Variants in STOX2 observed in about 807,000 individuals in gnomAD.
The protein encoded by STOX2 is storkhead box 2.
STOX2 carries 28 observed loss-of-function variants against 60.9 expected under a neutral mutation model. The observed-to-expected ratio is 0.46, with a 90% CI of 0.34 to 0.63. STOX2 has a LOEUF of 0.63. Ranked by LOEUF, STOX2 falls within the 30% of genes least tolerant of loss-of-function variation. STOX2 has a pLI of 0.01. For missense variants in STOX2, 1,024 were observed against 1,187.7 expected (o/e 0.86, Z 2.03); for synonymous variants, 472 against 463.9 (o/e 1.02, Z -0.22).
At chr4:183,893,735 T>C (rs1178138509) in intron 1 of STOX2, among the ~76,000 whole-genome samples, 1 of 152,206 alleles carries the variant, frequency 6.6e-6, no homozygotes, top group African/African-American at 2.4e-5. Flanking sequence ...GATTTATTTG[T>C]TCCTCTTATA....
Position 184,010,164 on chromosome 4 carries a change from G to A in STOX2, c.1326G>A (p.Val442=). ...TCCCCATGACACCAGAATGGGATGT[G>A]TCTGGTGAATTGGCTAAAAGGAGAA... ...SHFPMTPEWD[V]SGELAKRRTE... Residue 442 remains valine (V), a synonymous_variant, in exon 3 of 4, where the codon GTG becomes GTA. Coordinates refer to ENST00000308497, the MANE Select transcript of STOX2 (RefSeq NM_020225.3). The surrounding 1 kb of genome is among the most constrained non-coding windows in gnomAD (Gnocchi z 4.5). 6.4e-7 allele frequency: 1 copy of A among 1,559,428 alleles called. No individual in the cohort carries two copies. Among genetic ancestry groups the A allele is most frequent in the Non-Finnish European group, 8.7e-7 (1 of 1,151,204 alleles).
chr4:183,961,543 G>C (rs1211074800), intron 1 of STOX2, among the ~76,000 whole-genome samples: 2 of 152,162 alleles, frequency 1.3e-5, no homozygotes, highest in South Asian at 4.1e-4. Context: ...CTTCACCCTT[G>C]CTTTATTCTT....
rs914151545 is a variant in STOX2, at chr4:183,906,612, T to G, written c.-179T>G. 1.4e-5 allele frequency: 8 copies of G among 580,928 alleles called. No individual in the cohort carries two copies. Among genetic ancestry groups the G allele is most frequent in the Non-Finnish European group, 2.0e-5 (7 of 341,802 alleles). 36.0% of individuals were successfully genotyped at this position (580,928 alleles called of 1,614,324 possible). A position where few individuals can be genotyped will look rare whatever the true frequency, so the allele number is the denominator to read the frequency against. ...AAAATCGGAGCCTTCGCCGTGGGGG[T>G]GTGGGGGGGCGTGGGGAGGGCCGGA... On this transcript the variant is annotated 5_prime_UTR_variant, in exon 1 of 4. Coordinates refer to ENST00000308497, the MANE Select transcript of STOX2 (RefSeq NM_020225.3).
intron 1 of STOX2, among the ~76,000 whole-genome samples, chr4:183,834,096 C>A (rs548994992): frequency 6.8e-6 from 1 of 147,974 alleles, no homozygotes; most frequent in South Asian, 2.1e-4. Flanking sequence ...TCTCTTCAAG[C>A]CTCAGCTTCT....
intron 1 of STOX2, among the ~76,000 whole-genome samples, chr4:183,851,814 A>G (rs1740147941): frequency 9.8e-6 from 1 of 102,092 alleles, no homozygotes. Flanking sequence ...AGAAAGGATG[A>G]GGGAAAGGAT....
At chr4:183,999,241 G>A (rs908753470) in intron 1 of STOX2, among the ~76,000 whole-genome samples, 59 of 152,150 alleles carry the variant, frequency 3.9e-4, no homozygotes, top group Admixed American at 5.9e-4. Flanking sequence ...TTACCAATAC[G>A]AACTGAGCTT....
intron 1 of STOX2, among the ~76,000 whole-genome samples, chr4:183,982,045 C>T (rs976631926): frequency 5.3e-5 from 8 of 152,242 alleles, no homozygotes; most frequent in African/African-American, 1.4e-4. Flanking sequence ...GGGACACCTG[C>T]ACTGAGAATC....
intron 2 of STOX2, among the ~76,000 whole-genome samples, chr4:184,002,354 C>CT (rs1205535890): frequency 7.9e-5 from 12 of 152,234 alleles, no homozygotes; most frequent in African/African-American, 2.9e-4. Context: ...GGAACGTTTG[C>CT]TATATTTCTC....
At chr4:183,996,371 C>A (rs182941686) in intron 1 of STOX2, among the ~76,000 whole-genome samples, 18 of 152,284 alleles carry the variant, frequency 1.2e-4, no homozygotes, top group Non-Finnish European at 2.4e-4. Context: ...CTAATTCTGA[C>A]GATGGAAAAA....
intron 1 of STOX2, among the ~76,000 whole-genome samples, chr4:183,892,188 G>A (rs534212231): frequency 8.5e-5 from 13 of 152,324 alleles, no homozygotes; most frequent in Admixed American, 7.8e-4. Context: ...GCTCCGGGCC[G>A]CCCTCCCCTC....
At chr4:183,902,851 A>G (rs532014023), upstream of STOX2, among the ~76,000 whole-genome samples, 1 of 152,274 alleles carries the variant, frequency 6.6e-6, no homozygotes, top group South Asian at 2.1e-4. Context: ...CCTATGTACC[A>G]CCTGATTATT....
chr4:183,854,045 C>G (rs940259450), intron 1 of STOX2, among the ~76,000 whole-genome samples: 4 of 152,200 alleles, frequency 2.6e-5, no homozygotes, highest in Admixed American at 2.0e-4. Flanking sequence ...CAAACCTTTA[C>G]TATACCAGGC....
chr4:183,985,403 AAC>A (rs1297314182), intron 1 of STOX2, among the ~76,000 whole-genome samples: 1 of 152,166 alleles, frequency 6.6e-6, no homozygotes, highest in African/African-American at 2.4e-5. Context: ...TGGCTGAAAG[AAC>A]AGACTCGAGA....
chr4:183,928,294 A>G (rs1742305408), intron 1 of STOX2, among the ~76,000 whole-genome samples: 1 of 152,166 alleles, frequency 6.6e-6, no homozygotes, highest in South Asian at 2.1e-4. Context: ...CGAAATGCTT[A>G]TAGCCCCCAT....
chr4:184,002,185 G>A (rs9998791), intron 2 of STOX2, among the ~76,000 whole-genome samples: 145,880 of 152,262 alleles, frequency 0.96, 70,157 homozygotes, highest in East Asian at 1. Flanking sequence ...TGAAATCTCT[G>A]CATTTCCTTA....
Position 184,010,297 on chromosome 4 carries a change from G to A in STOX2, c.1459G>A (p.Ala487Thr), listed in dbSNP as rs1263625939. Residue 487 changes from alanine to threonine, a missense_variant, in exon 3 of 4, where the codon GCC becomes ACC. Ala to Thr is a moderately conservative substitution (Grantham distance 58). Transcript: ENST00000308497. The surrounding 1 kb of genome is among the most constrained non-coding windows in gnomAD (Gnocchi z 4.5). Reference sequence around the variant, plus strand: ...GTCCAGGAATGAGAGATCCAACAAAGCCAAGGAGAGATCCAGGTCGATGGA... The same window carrying A: ...GTCCAGGAATGAGAGATCCAACAAAACCAAGGAGAGATCCAGGTCGATGGA... ...RRSRNERSNK[A>T]KERSRSMDNS... 5 of 1,595,570 alleles carry A rather than the reference G, an allele frequency of 3.1e-6. No individual in the cohort carries two copies. The highest frequency in any genetic ancestry group is 4.3e-6 in the Non-Finnish European group (5 of 1,171,134).
chr4:183,996,836 C>T (rs1248105093), intron 1 of STOX2, among the ~76,000 whole-genome samples: 1 of 152,132 alleles, frequency 6.6e-6, no homozygotes, highest in Non-Finnish European at 1.5e-5. Context: ...GCCTATTTCT[C>T]ATGCAGTTAA....
chr4:183,811,803 A>T (rs1376082757), intron 1 of STOX2, among the ~76,000 whole-genome samples: 2 of 152,158 alleles, frequency 1.3e-5, no homozygotes, highest in African/African-American at 4.8e-5. Context: ...TATGTCTTTG[A>T]CACTATGGAA....
chr4:183,938,093 G>C lies in STOX2; in HGVS notation c.166+31137G>C, dbSNP rs112076108. Among the ~76,000 whole-genome samples, 810 of 152,276 alleles carry C rather than the reference G, an allele frequency of 5.3e-3. 5 individuals carry two copies. The highest frequency in any genetic ancestry group is 0.018 in the African/African-American group (759 of 41,562). ...GAGCCTGGAAGGTCGAGGCTGCAGT[G>C]AGCTGTGATTGCGCCACTGCACTCC... On this transcript the variant is annotated intron_variant, in intron 1 of 3. Transcript: ENST00000308497.
Sources: gnomAD v4.1 joint callset for allele counts (sites outside exome capture counted in the v4.1 genomes callset) on GRCh38, gnomAD v4.1.1 for gene constraint, Gnocchi (gnomAD v3.1) non-coding constraint, MANE v1.5 for transcripts, NCBI Gene and HGNC (gene_info 2026-07-23, HGNC 2026-07-21) for gene names.